Variants in CNOT10 observed in about 807,000 individuals in gnomAD.
The protein encoded by CNOT10 is CCR4-NOT transcription complex subunit 10, also known as CCR4-NOT transcription complex, subunit 10.
CNOT10 carries 30 observed loss-of-function variants against 94.6 expected under a neutral mutation model. The observed-to-expected ratio is 0.32, with a 90% CI of 0.24 to 0.43. The LOEUF is 0.43. Among genes scored for constraint, CNOT10 ranks in the 20% least tolerant of loss-of-function variants. The pLI is 1.00. For synonymous variants in CNOT10, 289 were observed against 301.6 expected, an observed-to-expected ratio of 0.96 and a Z score of 0.43; for missense variants, 759 against 877.2, an observed-to-expected ratio of 0.87 and a Z score of 1.70.
intron 10 of CNOT10, among the ~76,000 whole-genome samples, chr3:32,729,363 G>A (rs1698833510): frequency 6.6e-6 from 1 of 152,156 alleles, no homozygotes; most frequent in Non-Finnish European, 1.5e-5. Context: ...GGAAAGACGG[G>A]TTGTGTCAGA....
intron 1 of CNOT10, chr3:32,695,451 T>G: frequency 3.4e-6 from 3 of 886,850 alleles, no homozygotes; most frequent in Non-Finnish European, 4.9e-6. Context: ...GATATATCAG[T>G]GGAGCTGTAT....
chr3:32,723,401 A>G (rs1436534013), intron 8 of CNOT10, among the ~76,000 whole-genome samples: 2 of 152,102 alleles, frequency 1.3e-5, no homozygotes, highest in Non-Finnish European at 2.9e-5. Context: ...CAAAAAAAAA[A>G]AAAAGAAAAG....
At chr3:32,687,444 T>TTTTTTGTTTTTTTG (rs374228213) in intron 1 of CNOT10, among the ~76,000 whole-genome samples, 46 of 69,556 alleles carry the variant, frequency 6.6e-4, no homozygotes, top group Admixed American at 9.1e-4. Context: ...TCACGGTTTT[T>TTTTTTGTTTTTTTG]TTTTTTTGTT....
At chr3:32,703,320 C>T (rs907261593) in intron 1 of CNOT10, among the ~76,000 whole-genome samples, 4 of 152,020 alleles carry the variant, frequency 2.6e-5, no homozygotes, top group African/African-American at 9.7e-5. Context: ...ATACAGTAGT[C>T]CCCCACCTTT....
intron 8 of CNOT10, among the ~76,000 whole-genome samples, chr3:32,725,187 GA>G (rs781405481): frequency 5.3e-5 from 8 of 149,600 alleles, no homozygotes; most frequent in Admixed American, 2.0e-4. Context: ...TTTAAAAAAG[GA>G]AAAAAAAATC....
chr3:32,726,836 ATTTTTT>A (rs56273006), intron 9 of CNOT10, among the ~76,000 whole-genome samples: 6 of 81,250 alleles, frequency 7.4e-5, no homozygotes, highest in African/African-American at 1.3e-4. Context: ...ACCAAGATGA[ATTTTTT>A]TTTTTTTTTT....
rs760445775 is a variant in CNOT10, at chr3:32,695,819, CTCTG to C, written c.23-8044_23-8041del. ...GAAATGCTGTGGGATTATGTGCAGACTCTGTCTGGTAAGAAGTCAGTAGTTATAA... is the reference window on the plus strand; with the variant it reads ...GAAATGCTGTGGGATTATGTGCAGACTCTGGTAAGAAGTCAGTAGTTATAA... On this transcript the variant is annotated intron_variant, in intron 1 of 18. Coordinates refer to ENST00000328834, the MANE Select transcript of CNOT10 (RefSeq NM_015442.3). 1.6e-4 allele frequency: 246 copies of C among 1,535,392 alleles called. 1 individual carries two copies. The highest frequency in any genetic ancestry group is 2.2e-4 in the African/African-American group (16 of 72,972).
intron 10 of CNOT10, chr3:32,730,648 G>A (rs376638348): frequency 6.6e-6 from 1 of 152,082 alleles, no homozygotes; most frequent in East Asian, 1.9e-4. Flanking sequence ...CATAAAATTT[G>A]TTTTATTTAG....
At position 32,754,489 on chromosome 3, in the gene CNOT10, A is replaced by AAAAAATATATATATATATATAT. The variant is rs77878221; in HGVS notation, c.1596-4968_1596-4967insAAAATATATATATATATATATA. 3.1e-4 allele frequency among the ~76,000 whole-genome samples: 22 copies of AAAAAATATATATATATATATAT among 70,156 alleles called. 1 individual carries two copies. The highest frequency in any genetic ancestry group is 1.2e-3 in the African/African-American group (15 of 13,010). The allele number at this position is 70,156 out of a possible 152,430, so 46.0% of individuals were successfully genotyped here. On this transcript the variant is annotated intron_variant, in intron 13 of 18. Coordinates refer to ENST00000328834, the MANE Select transcript of CNOT10 (RefSeq NM_015442.3). ...AAGACTCCGTCTCAAAAAAAAAAAA[A>AAAAAATATATATATATATATAT]ATACATATATATATATATATTTATT...
chr3:32,769,286 C>T (rs1418954950), intron 17 of CNOT10: 1 of 152,554 alleles, frequency 6.6e-6, no homozygotes, highest in African/African-American at 2.4e-5. Context: ...CCTGTAATTT[C>T]AGCACTTCTG....
At chr3:32,695,650 G>A in intron 1 of CNOT10, 2 of 1,536,026 alleles carry the variant, frequency 1.3e-6, no homozygotes, top group East Asian at 2.4e-5. Context: ...TGTAAAGACT[G>A]TCAAGGTTTG....
intron 10 of CNOT10, among the ~76,000 whole-genome samples, chr3:32,728,834 G>C (rs777274307): frequency 6.6e-6 from 1 of 150,606 alleles, no homozygotes; most frequent in Non-Finnish European, 1.5e-5. Context: ...AGGTGCGGTG[G>C]TCACGCCTGT....
chr3:32,695,299 A>G (rs1210828528), intron 1 of CNOT10, among the ~76,000 whole-genome samples: 2 of 152,096 alleles, frequency 1.3e-5, no homozygotes, highest in Non-Finnish European at 2.9e-5. Context: ...GTGGGCCTGA[A>G]TTGTTTTTCT....
chr3:32,754,083 A>C lies in CNOT10; in HGVS notation c.1596-5375A>C, dbSNP rs138985002. Reference sequence around the variant, plus strand: ...CCATTGCACTCCAGCCTGGGCAACAAGAGCAAAAAACTCTGTCTCAAAAAA... The same window carrying C: ...CCATTGCACTCCAGCCTGGGCAACACGAGCAAAAAACTCTGTCTCAAAAAA... On this transcript the variant is annotated intron_variant, in intron 13 of 18. Coordinates refer to ENST00000328834, the MANE Select transcript of CNOT10 (RefSeq NM_015442.3). 5.4e-3 allele frequency among the ~76,000 whole-genome samples: 798 copies of C among 148,082 alleles called. 6 individuals carry two copies. The highest frequency in any genetic ancestry group is 0.018 in the African/African-American group (736 of 40,312).
intron 17 of CNOT10, among the ~76,000 whole-genome samples, chr3:32,767,448 G>A (rs1700692012): frequency 6.6e-6 from 1 of 150,978 alleles, no homozygotes; most frequent in Admixed American, 6.6e-5. Flanking sequence ...GAACGCAGGA[G>A]GTGGAGGTTG....
intron 8 of CNOT10, among the ~76,000 whole-genome samples, chr3:32,720,958 C>T (rs1271291010): frequency 1.4e-5 from 2 of 143,562 alleles, no homozygotes; most frequent in Non-Finnish European, 3.0e-5. Context: ...CTTCCCTTCC[C>T]TCCCTTCCCT....
chr3:32,752,888 G>A (rs958003145), intron 13 of CNOT10: 8 of 338,114 alleles, frequency 2.4e-5, no homozygotes, highest in African/African-American at 4.4e-5. Flanking sequence ...CAGCTCCGGC[G>A]GCAGCAGCAG....
chr3:32,759,671 A>G, intron 14 of CNOT10, 100 bp downstream of exon 14: 2 of 802,238 alleles, frequency 2.5e-6, no homozygotes, highest in Non-Finnish European at 4.1e-6. Context: ...CCAGTGGAAT[A>G]TATATTTGTA....
At chr3:32,708,605 A>T in intron 3 of CNOT10, 65 bp from the exon 4 acceptor site, 1 of 1,387,284 alleles carries the variant, frequency 7.2e-7, no homozygotes, top group Non-Finnish European at 9.9e-7. Flanking sequence ...ATTCATATGA[A>T]TTCTTTCACT....
Sources: gnomAD v4.1 joint callset for allele counts (sites outside exome capture counted in the v4.1 genomes callset) on GRCh38, gnomAD v4.1.1 for gene constraint, MANE v1.5 for transcripts, NCBI Gene and HGNC (gene_info 2026-07-23, HGNC 2026-07-21) for gene names.